The following STT3B variants were observed in gnomAD, a reference collection of about 807,000 sequenced individuals.
STT3B encodes the protein STT3 oligosaccharyltransferase complex catalytic subunit B.
In STT3B, 29 loss-of-function variants were observed where a neutral mutation model predicts 96.8. That is an observed-to-expected ratio of 0.30 (90% CI 0.22 to 0.41). STT3B has a LOEUF of 0.41. Ranked by LOEUF, STT3B falls within the 10% of genes least tolerant of loss-of-function variation. STT3B has a pLI of 1.00. For synonymous variants in STT3B, 367 were observed against 360.0 expected (o/e 1.02, Z -0.22); for missense variants, 640 against 1,022.3 (o/e 0.63, Z 5.10).
rs377451924 is a variant in STT3B, at chr3:31,636,112, C to T, written c.*48C>T. On this transcript the variant is annotated 3_prime_UTR_variant, in exon 16 of 16. Coordinates refer to ENST00000295770, the MANE Select transcript of STT3B (RefSeq NM_178862.3). ...TTGAAGCAGTTGTCCTTGTGAGAAC[C>T]GGTCTTTGCCTTTAGCTCATGTCGT... 110 of 1,408,636 alleles carry T rather than the reference C, an allele frequency of 7.8e-5. No individual in the cohort carries two copies. The highest frequency in any genetic ancestry group is 8.8e-5 in the Non-Finnish European group (90 of 1,026,994). 87.3% of individuals were successfully genotyped at this position (1,408,636 alleles called of 1,614,324 possible).
chr3:31,621,053 G>T (rs114880299), intron 9 of STT3B, among the ~76,000 whole-genome samples: 1 of 152,202 alleles, frequency 6.6e-6, no homozygotes, highest in Non-Finnish European at 1.5e-5. Flanking sequence ...GTTTAAGAAT[G>T]CATTAGTAAT....
chr3:31,538,112 A>G (rs747566206), intron 1 of STT3B, among the ~76,000 whole-genome samples: 2 of 152,136 alleles, frequency 1.3e-5, no homozygotes, highest in Non-Finnish European at 2.9e-5. Context: ...TTTTATAGTG[A>G]ACACTCATAT....
At chr3:31,586,847 T>C (rs4128186) in intron 3 of STT3B, among the ~76,000 whole-genome samples, 140,075 of 152,128 alleles carry the variant, frequency 0.92, 64,656 homozygotes, top group East Asian at 0.96. Context: ...TTTGGCTTTT[T>C]TTAGCTGTTT....
rs1698349637 is a variant in STT3B, at chr3:31,580,072, A to G, written c.687A>G (p.Ala229=). ...SFDNEGIAIF[A]LQFTYYLWVK... The stretch of plus-strand genomic sequence containing the variant: ...ATAATGAAGGCATTGCTATTTTTGC[A>G]CTTCAGTTCACATACTATTTATGGG... The change falls in exon 3 of 16, where the codon GCA becomes GCG. Residue 229 remains alanine (A), a synonymous_variant. Transcript: ENST00000295770. 8 of 1,613,250 alleles carry G rather than the reference A, an allele frequency of 5.0e-6. No individual in the cohort carries two copies. Among genetic ancestry groups the G allele is most frequent in the Non-Finnish European group, 6.8e-6 (8 of 1,179,340 alleles).
intron 1 of STT3B, among the ~76,000 whole-genome samples, chr3:31,540,477 T>C (rs1304185820): frequency 6.6e-6 from 1 of 152,156 alleles, no homozygotes; most frequent in Non-Finnish European, 1.5e-5. Context: ...CTTTTTTGTT[T>C]CATGCCTTAC....
At chr3:31,568,645 A>AT in intron 1 of STT3B, among the ~76,000 whole-genome samples, 1 of 152,318 alleles carries the variant, frequency 6.6e-6, no homozygotes, top group Middle Eastern at 3.4e-3. Flanking sequence ...CCTGTTGGCC[A>AT]TTTATAGAGA....
intron 3 of STT3B, among the ~76,000 whole-genome samples, chr3:31,582,506 G>T (rs1032029437): frequency 6.6e-6 from 1 of 151,894 alleles, no homozygotes; most frequent in South Asian, 2.1e-4. Context: ...TGTTGGTCAG[G>T]CTGGTCTTGA....
chr3:31,571,757 C>G (rs1012820595), intron 1 of STT3B, among the ~76,000 whole-genome samples: 15 of 151,784 alleles, frequency 9.9e-5, no homozygotes, highest in African/African-American at 3.6e-4. Context: ...GGCTCAGATG[C>G]CTTATATTTG....
intron 1 of STT3B, among the ~76,000 whole-genome samples, chr3:31,569,746 T>C (rs1366183855): frequency 6.6e-6 from 1 of 152,136 alleles, no homozygotes; most frequent in African/African-American, 2.4e-5. Flanking sequence ...CTGCTAATTT[T>C]TAAAACATTA....
intron 2 of STT3B, among the ~76,000 whole-genome samples, chr3:31,579,046 A>G (rs1458076942): frequency 6.6e-6 from 1 of 152,044 alleles, no homozygotes; most frequent in African/African-American, 2.4e-5. Flanking sequence ...TCACTGAATA[A>G]TAACTCAGGA....
At chr3:31,539,463 G>C (rs1242169804) in intron 1 of STT3B, among the ~76,000 whole-genome samples, 1 of 152,090 alleles carries the variant, frequency 6.6e-6, no homozygotes, top group Non-Finnish European at 1.5e-5. Context: ...AAGAATTGAA[G>C]GATACAGATC....
At chr3:31,595,043 C>T (rs1698755625) in intron 3 of STT3B, among the ~76,000 whole-genome samples, 1 of 152,152 alleles carries the variant, frequency 6.6e-6, no homozygotes, top group African/African-American at 2.4e-5. Context: ...ATGATTGAAG[C>T]ATGGACAACC....
rs377182880 is a variant in STT3B, at chr3:31,633,160, T to C, written c.2400+13T>C. The C allele has an allele frequency of 5.6e-6, 9 of 1,610,896 alleles. No individual in the cohort carries two copies. The African/African-American group carries it at 1.2e-4, about 22-fold the overall frequency. ...TTTGTCAAAGAAGGTGGGTGCCAAG[T>C]GAAGGCATTAAAGGGTAACTTAAGG... On this transcript the variant is annotated intron_variant, in intron 15 of 15. Transcript: ENST00000295770.
intron 1 of STT3B, among the ~76,000 whole-genome samples, chr3:31,560,891 A>G (rs1697861973): frequency 2.0e-5 from 3 of 152,052 alleles, no homozygotes; most frequent in Admixed American, 1.3e-4. Flanking sequence ...GAAAATTTTA[A>G]TATTTGTTCA....
intron 5 of STT3B, among the ~76,000 whole-genome samples, chr3:31,607,371 A>G (rs951513772): frequency 2.6e-5 from 4 of 152,234 alleles, no homozygotes; most frequent in Non-Finnish European, 4.4e-5. Context: ...TGTAGTTCTC[A>G]TAATTTCCAC....
At chr3:31,542,132 G>C (rs1045750780) in intron 1 of STT3B, among the ~76,000 whole-genome samples, 1 of 152,160 alleles carries the variant, frequency 6.6e-6, no homozygotes, top group Non-Finnish European at 1.5e-5. Flanking sequence ...AAGAAAGTGG[G>C]TGGGAGAGAA....
intron 8 of STT3B, among the ~76,000 whole-genome samples, chr3:31,618,199 A>G (rs1348995370): frequency 6.6e-6 from 1 of 152,028 alleles, no homozygotes; most frequent in Non-Finnish European, 1.5e-5. Flanking sequence ...GTTGTGTATT[A>G]CTGTTCTGCA....
intron 1 of STT3B, among the ~76,000 whole-genome samples, chr3:31,560,791 A>C (rs1359259589): frequency 6.6e-6 from 1 of 152,084 alleles, no homozygotes; most frequent in East Asian, 1.9e-4. Flanking sequence ...GGATGTCCAA[A>C]TCTCTTGCTA....
At chr3:31,625,857 C>T (rs1346290755) in intron 12 of STT3B, 97 bp from the exon 13 acceptor site, 6 of 1,171,742 alleles carry the variant, frequency 5.1e-6, no homozygotes, top group Non-Finnish European at 7.1e-6. Flanking sequence ...GTAAAACAAA[C>T]TCTTGATGAA....
Sources: allele counts gnomAD v4.1 joint callset (sites outside exome capture counted in the v4.1 genomes callset), GRCh38; gene constraint gnomAD v4.1.1; transcripts MANE v1.5; gene names NCBI Gene and HGNC (gene_info 2026-07-23, HGNC 2026-07-21).